SLC44A1: variants seen among roughly 807,000 people sequenced by gnomAD.
SLC44A1 encodes choline transporter-like protein 1.
A neutral mutation model predicts 79.3 loss-of-function variants in SLC44A1; 26 were observed. The ratio of observed to expected loss-of-function variants is 0.33; its 90% confidence interval spans 0.24 to 0.46. The LOEUF is 0.46. Among genes scored for constraint, SLC44A1 ranks in the 20% least tolerant of loss-of-function variants. SLC44A1 has a pLI of 1.00. For missense variants in SLC44A1, 688 were observed against 798.1 expected (o/e 0.86, Z 1.66); for synonymous variants, 263 against 286.2 (o/e 0.92, Z 0.82).
At chr9:105,321,827 CAA>C (rs141212486) in intron 3 of SLC44A1, among the ~76,000 whole-genome samples, 7,809 of 141,002 alleles carry the variant, frequency 0.055, 661 homozygotes, top group African/African-American at 0.19. Context: ...AAAAAAAAAA[CAA>C]GAGAGATATA....
Position 105,421,866 on chromosome 9 carries a change from C to T in SLC44A1, c.1951-16415C>T, listed in dbSNP as rs189139137. On this transcript the variant is annotated intron_variant, in intron 15 of 15. Transcript: ENST00000374724. ...CCTCCCAAAGTGCTGGGATTACAGG[C>T]GTGAGCCACCGCGCCCAGCCAGGAA... 3.9e-5 allele frequency among the ~76,000 whole-genome samples: 6 copies of T among 152,284 alleles called. No homozygotes were observed. In the East Asian group the frequency reaches 1.2e-3, roughly 29 times the overall value.
At chr9:105,249,511 A>G (rs1336853654) in intron 1 of SLC44A1, among the ~76,000 whole-genome samples, 1 of 150,558 alleles carries the variant, frequency 6.6e-6, no homozygotes, top group African/African-American at 2.5e-5. Context: ...TTGGAAAATA[A>G]TGTAGAAATG....
chr9:105,351,031 C>T (rs556622567), intron 5 of SLC44A1, among the ~76,000 whole-genome samples: 14 of 152,314 alleles, frequency 9.2e-5, no homozygotes, highest in Non-Finnish European at 1.9e-4. Flanking sequence ...TCATAACTCT[C>T]TATTGGTGAA....
At chr9:105,350,404 G>T (rs1163839240) in intron 5 of SLC44A1, among the ~76,000 whole-genome samples, 3 of 146,692 alleles carry the variant, frequency 2.0e-5, no homozygotes, top group African/African-American at 8.3e-5. Flanking sequence ...CGTTGTATTA[G>T]ATACCAAGTC....
At chr9:105,380,222 A>G (rs1302590090) in intron 13 of SLC44A1, among the ~76,000 whole-genome samples, 1 of 152,220 alleles carries the variant, frequency 6.6e-6, no homozygotes, top group Non-Finnish European at 1.5e-5. Flanking sequence ...CTAATTCCGT[A>G]ATTCAAATCT....
chr9:105,265,574 A>G (rs1829943309), intron 1 of SLC44A1, among the ~76,000 whole-genome samples: 1 of 152,232 alleles, frequency 6.6e-6, no homozygotes. Context: ...GATTATTAAT[A>G]AAGCTCCTGT....
intron 3 of SLC44A1, among the ~76,000 whole-genome samples, chr9:105,322,408 G>GT (rs1159132704): frequency 6.6e-6 from 1 of 152,130 alleles, no homozygotes; most frequent in African/African-American, 2.4e-5. Flanking sequence ...GTAGAAGAGT[G>GT]TATCAGTCTT....
Position 105,362,901 on chromosome 9 carries a change from C to G in SLC44A1, c.981C>G (p.Val327=), listed in dbSNP as rs1216449744. 1.2e-6 allele frequency: 2 copies of G among 1,613,516 alleles called. No homozygotes were observed. The highest frequency in any genetic ancestry group is 2.2e-5 in the South Asian group (2 of 91,002). Residue 327 remains valine, a synonymous_variant, in exon 9 of 16, where the codon GTC becomes GTG. Transcript: ENST00000374720. ...TIALFHVAGK[V]FIHLPLLVFQ... is the part of the protein sequence containing the mutation. ...CCTTGTTCCACGTAGCTGGCAAGGT[C>G]TTCATTCACTTGCCACTGCTAGTCT...
At chr9:105,309,911 A>C in intron 3 of SLC44A1, 45 bp downstream of exon 3, 1 of 1,581,194 alleles carries the variant, frequency 6.3e-7, no homozygotes. Flanking sequence ...ACTTTGAAAG[A>C]GGCACAGAGA....
chr9:105,360,492 T>C (rs985016154), intron 7 of SLC44A1, among the ~76,000 whole-genome samples: 4 of 152,224 alleles, frequency 2.6e-5, no homozygotes, highest in African/African-American at 9.6e-5. Context: ...ATAGGTGCTG[T>C]AGCATTCAAA....
At chr9:105,350,824 C>A (rs1827382251) in intron 5 of SLC44A1, among the ~76,000 whole-genome samples, 1 of 152,204 alleles carries the variant, frequency 6.6e-6, no homozygotes, top group South Asian at 2.1e-4. Context: ...ACTTCTAGAA[C>A]CTCTTCCTTT....
intron 5 of SLC44A1, among the ~76,000 whole-genome samples, chr9:105,354,540 C>T (rs1233656724): frequency 6.6e-6 from 1 of 152,170 alleles, no homozygotes; most frequent in Non-Finnish European, 1.5e-5. Flanking sequence ...CAATATCAAA[C>T]CTTTGGCATT....
intron 15 of SLC44A1, among the ~76,000 whole-genome samples, chr9:105,428,877 T>A (rs1829356325): frequency 6.6e-6 from 1 of 152,212 alleles, no homozygotes; most frequent in Non-Finnish European, 1.5e-5. Context: ...AGCTAATTTT[T>A]GTATTTTTAG....
intron 1 of SLC44A1, among the ~76,000 whole-genome samples, chr9:105,270,293 A>T (rs1830049270): frequency 6.6e-6 from 1 of 152,114 alleles, no homozygotes; most frequent in South Asian, 2.1e-4. Context: ...TTACGTAATC[A>T]TATCTGACAT....
At chr9:105,298,601 C>T (rs1031954256) in intron 1 of SLC44A1, among the ~76,000 whole-genome samples, 1 of 152,144 alleles carries the variant, frequency 6.6e-6, no homozygotes, top group Non-Finnish European at 1.5e-5. Flanking sequence ...CTGCCCGCCT[C>T]GGCCTCCCAA....
At chr9:105,274,702 G>GTAAC (rs1830159921) in intron 1 of SLC44A1, among the ~76,000 whole-genome samples, 1 of 152,168 alleles carries the variant, frequency 6.6e-6, no homozygotes, top group Non-Finnish European at 1.5e-5. Context: ...GTAAATAACA[G>GTAAC]TAACACAACT....
In SLC44A1 at chr9:105,385,158, T is replaced by C. The variant is rs532038354; in HGVS notation, c.1870-264T>C. On this transcript the variant is annotated intron_variant, in intron 14 of 15. Transcript: ENST00000374720. The stretch of plus-strand genomic sequence containing the variant: ...AATGTTAGGTATTTTCTCTTCCAGG[T>C]AGAACTAACATTATCTCTTGGAGCC... Among the ~76,000 whole-genome samples the C allele has an allele frequency of 8.5e-5, 13 of 152,320 alleles. No individual in the cohort carries two copies. The East Asian group carries it at 2.5e-3, about 29-fold the overall frequency.
At chr9:105,260,847 A>G (rs1387110609) in intron 1 of SLC44A1, among the ~76,000 whole-genome samples, 1 of 152,206 alleles carries the variant, frequency 6.6e-6, no homozygotes, top group East Asian at 1.9e-4. Context: ...TAAACTCCAA[A>G]TGACCATTCG....
At chr9:105,304,620 T>C (rs551322936) in intron 2 of SLC44A1, among the ~76,000 whole-genome samples, 1 of 152,258 alleles carries the variant, frequency 6.6e-6, no homozygotes, top group East Asian at 1.9e-4. Flanking sequence ...CTTAGAATCA[T>C]AATAGTTTTG....
Sources: gnomAD v4.1 joint callset for allele counts (sites outside exome capture counted in the v4.1 genomes callset) on GRCh38, gnomAD v4.1.1 for gene constraint, MANE v1.5 for transcripts, NCBI Gene and HGNC (gene_info 2026-07-23, HGNC 2026-07-21) for gene names.